Variants in ZNF251 observed in about 807,000 individuals in gnomAD.
ZNF251 encodes zinc finger protein 251.
ZNF251 carries 14 observed loss-of-function variants against 13.5 expected under a neutral mutation model. The ratio of observed to expected loss-of-function variants is 1.04; its 90% CI spans 0.69 to 1.63. The LOEUF is 1.63. Among genes scored for constraint, ZNF251 ranks in the 40% most tolerant of loss-of-function variants. The probability of loss-of-function intolerance (pLI) is 0.00; values close to 1 mark genes in which losing one functional copy is unlikely to be tolerated. For missense variants in ZNF251, 764 were observed against 834.9 expected (o/e 0.92, Z 1.05); for synonymous variants, 287 against 295.2 (o/e 0.97, Z 0.28).
At chr8:144,733,067 C>CA (rs1823768756) in intron 4 of ZNF251, among the ~76,000 whole-genome samples, 1 of 151,042 alleles carries the variant, frequency 6.6e-6, no homozygotes, top group Non-Finnish European at 1.5e-5. Flanking sequence ...ACTAAAAATA[C>CA]AAAAATTAGC....
At chr8:144,724,406 C>T (rs551073010) in intron 4 of ZNF251, among the ~76,000 whole-genome samples, 1 of 151,950 alleles carries the variant, frequency 6.6e-6, no homozygotes, top group Admixed American at 6.6e-5. Context: ...CCACAGTTCA[C>T]AGCAGCCTTG....
Position 144,738,506 on chromosome 8 carries a change from T to C in ZNF251, c.278-15124A>G. 4.1e-6 allele frequency: 4 copies of C among 969,504 alleles called. No homozygotes were observed. The South Asian group carries it at 1.4e-4, about 35-fold the overall frequency. 60.1% of individuals were successfully genotyped at this position (969,504 alleles called of 1,614,324 possible). A position where few individuals can be genotyped will look rare whatever the true frequency, so the allele number is the denominator to read the frequency against. ...GACCAGGCTGACCTGACACACAGGGTCTTCCCAAACTCCAGGAGGGTGTGG... is the reference window on the plus strand; with the variant it reads ...GACCAGGCTGACCTGACACACAGGGCCTTCCCAAACTCCAGGAGGGTGTGG... On this transcript the variant is annotated intron_variant, in intron 4 of 4. Coordinates refer to ENST00000292562, the MANE Select transcript of ZNF251 (RefSeq NM_138367.2).
intron 4 of ZNF251, among the ~76,000 whole-genome samples, chr8:144,737,495 C>G (rs1046327331): frequency 1.3e-5 from 2 of 150,276 alleles, no homozygotes; most frequent in African/African-American, 4.9e-5. Flanking sequence ...GGTGACAGAG[C>G]GAGATTCCGT....
At position 144,734,331 on chromosome 8, in the gene ZNF251, G is replaced by T. The variant is rs141632292; in HGVS notation, c.278-10949C>A. On this transcript the variant is annotated intron_variant, in intron 4 of 4. Coordinates refer to ENST00000292562, the MANE Select transcript of ZNF251 (RefSeq NM_138367.2). This position sits in a 1 kb window ranked among gnomAD's most constrained non-coding sequence, Gnocchi z 4.4. ...TCCATGCTTTGTCCCTGTGGCTGTC[G>T]GCCCTGTCCCCCAACTCCAGCGGGT... 2.0e-5 allele frequency among the ~76,000 whole-genome samples: 3 copies of T among 152,158 alleles called. No individual in the cohort carries two copies. The highest frequency in any genetic ancestry group is 2.9e-5 in the Non-Finnish European group (2 of 68,034).
chr8:144,732,731 G>A (rs1823750319), intron 4 of ZNF251, among the ~76,000 whole-genome samples: 1 of 150,584 alleles, frequency 6.6e-6, no homozygotes, highest in Non-Finnish European at 1.5e-5. Context: ...AGAATGGCGT[G>A]AACCCGGGAG....
intron 4 of ZNF251, among the ~76,000 whole-genome samples, chr8:144,749,645 A>G (rs769640706): frequency 6.6e-6 from 1 of 152,056 alleles, no homozygotes; most frequent in Non-Finnish European, 1.5e-5. Flanking sequence ...ATTCTATTAT[A>G]TGTAATTCCA....
chr8:144,737,837 C>CAA (rs56856212), intron 4 of ZNF251, among the ~76,000 whole-genome samples: 1,016 of 51,766 alleles, frequency 0.02, 19 homozygotes, highest in Admixed American at 0.055. Context: ...GACTCTGTCT[C>CAA]AAAAAAAAAA....
intron 4 of ZNF251, among the ~76,000 whole-genome samples, chr8:144,743,576 T>C (rs1367798417): frequency 6.6e-6 from 1 of 152,198 alleles, no homozygotes; most frequent in African/African-American, 2.4e-5. Context: ...TTTGGGTAAA[T>C]ACAAAGGGAC....
chr8:144,723,268 G>A lies in ZNF251; in HGVS notation c.392C>T (p.Ala131Val). Residue 131 changes from alanine to valine, a missense_variant, in exon 5 of 5, where the codon GCT becomes GTT. Physicochemically the swap from Ala to Val is moderately conservative, Grantham distance 64. Coordinates refer to ENST00000292562, the MANE Select transcript of ZNF251 (RefSeq NM_138367.2). The stretch of plus-strand genomic sequence containing the variant: ...ACGGCCCCATGCTTCCCGAAACTCA[G>A]CGGCCTGTGCATTATCCCTTAAGAG... ...RRLLRDNAQAAEFREAWGREG... is the reference protein window; with the variant it reads ...RRLLRDNAQAVEFREAWGREG... 1.9e-6 allele frequency: 3 copies of A among 1,612,646 alleles called. No homozygotes were observed.
intron 4 of ZNF251, among the ~76,000 whole-genome samples, chr8:144,742,480 C>T (rs532753350): frequency 6.6e-6 from 1 of 151,226 alleles, no homozygotes; most frequent in Non-Finnish European, 1.5e-5. Flanking sequence ...ACCCCCCACA[C>T]ACCTCCCCCA....
chr8:144,755,380 C>G, intron 1 of ZNF251, 25 bp downstream of exon 1: 1 of 1,287,556 alleles, frequency 7.8e-7, no homozygotes, highest in Non-Finnish European at 1.0e-6. Context: ...GCTTGGCGCT[C>G]CTTCCTGGTC....
Position 144,722,819 on chromosome 8 carries a change from G to A in ZNF251, c.841C>T (p.Arg281Cys), listed in dbSNP as rs375520552. 1.2e-5 allele frequency: 20 copies of A among 1,614,034 alleles called. No homozygotes were observed. In the Admixed American group the frequency reaches 1.5e-4, roughly 12 times the overall value. The change falls in exon 5 of 5, where the codon CGT (arginine) becomes TGT (cysteine). Residue 281 changes from arginine to cysteine, a missense_variant. Physicochemically the swap from Arg to Cys is radical, Grantham distance 180. Transcript: ENST00000292562. The surrounding 1 kb of genome is among the most constrained non-coding windows in gnomAD (Gnocchi z 4.8). ...CCAGTGTGAATTCTCCGATGAAGACGGAGGTGAGAATTGAGTCCAAAAGTT... is the reference window on the plus strand; with the variant it reads ...CCAGTGTGAATTCTCCGATGAAGACAGAGGTGAGAATTGAGTCCAAAAGTT... ...GKTFGLNSHL[R>C]LHRRIHTGEK... is the part of the protein sequence containing the mutation.
intron 4 of ZNF251, among the ~76,000 whole-genome samples, chr8:144,749,311 AC>A (rs1474163673): frequency 2.0e-5 from 3 of 151,782 alleles, no homozygotes; most frequent in Admixed American, 2.0e-4. Flanking sequence ...ATATGGTGAA[AC>A]CCTGTCTGTA....
intron 4 of ZNF251, among the ~76,000 whole-genome samples, chr8:144,749,888 T>C (rs1049505167): frequency 1.3e-5 from 2 of 150,326 alleles, no homozygotes; most frequent in African/African-American, 4.9e-5. Context: ...TTTTTTCTTT[T>C]TTTTTTTTTT....
chr8:144,752,184 A>G (rs964139401), intron 4 of ZNF251, among the ~76,000 whole-genome samples: 2 of 152,022 alleles, frequency 1.3e-5, no homozygotes, highest in African/African-American at 4.8e-5. Flanking sequence ...AGACCTGAAC[A>G]ATACCATCAA....
At chr8:144,738,102 C>G (rs73716239) in intron 4 of ZNF251, among the ~76,000 whole-genome samples, 1,692 of 152,202 alleles carry the variant, frequency 0.011, 29 homozygotes, top group African/African-American at 0.036. Flanking sequence ...ATAAAGCAAC[C>G]ACCTCTCAGT....
intron 4 of ZNF251, among the ~76,000 whole-genome samples, chr8:144,727,902 T>C (rs924738045): frequency 3.3e-5 from 5 of 152,280 alleles, no homozygotes; most frequent in African/African-American, 1.2e-4. Context: ...AGCCTCAAAC[T>C]CCTGGGCTCA....
chr8:144,754,329 AAAAC>A lies in ZNF251; in HGVS notation c.34-12_34-9del. On this transcript the variant is annotated splice_polypyrimidine_tract_variant and intron_variant, in intron 2 of 4. Coordinates refer to ENST00000292562, the MANE Select transcript of ZNF251 (RefSeq NM_138367.2). The stretch of plus-strand genomic sequence containing the variant: ...GAAGGTCAGCGGCATCTCCTGCAAC[AAAAC>A]ATCGCCGCTGCCCAGGCCATGCCCA... 6.3e-7 allele frequency: 1 copy of A among 1,599,520 alleles called. No homozygotes were observed. The highest frequency in any genetic ancestry group is 1.7e-5 in the Admixed American group (1 of 57,446).
rs762911371 is a variant in ZNF251, at chr8:144,723,245, G to A, written c.415C>T (p.Arg139Cys). 1.1e-5 allele frequency: 17 copies of A among 1,613,348 alleles called. No individual in the cohort carries two copies. The highest frequency in any genetic ancestry group is 1.7e-4 in the Middle Eastern group (1 of 6,056). The change falls in exon 5 of 5, where the codon CGT (arginine) becomes TGT (cysteine). Residue 139 changes from arginine to cysteine, a missense_variant. By Grantham distance (180) the Arg-to-Cys change is radical (BLOSUM62 -3). Transcript: ENST00000292562. ...ACGCGCTCTTTGAGTTTGCCCTCAC[G>A]GCCCCATGCTTCCCGAAACTCAGCG... Reference protein sequence around the residue: ...QAAEFREAWGREGKLKERVGN... With the variant: ...QAAEFREAWGCEGKLKERVGN...
Sources: gnomAD v4.1 joint callset for allele counts (sites outside exome capture counted in the v4.1 genomes callset) on GRCh38, gnomAD v4.1.1 for gene constraint, Gnocchi (gnomAD v3.1) non-coding constraint, MANE v1.5 for transcripts, NCBI Gene and HGNC (gene_info 2026-07-23, HGNC 2026-07-21) for gene names.